The following BIRC6 variants were observed in gnomAD, a reference collection of about 807,000 sequenced individuals.
BIRC6 encodes baculoviral IAP repeat containing 6, also known as dual E2 ubiquitin-conjugating enzyme/E3 ubiquitin-protein ligase BIRC6.
A neutral mutation model predicts 503.3 loss-of-function variants in BIRC6; 98 were observed. That is an observed-to-expected ratio of 0.19 (90% confidence interval 0.17 to 0.23). BIRC6 has a LOEUF of 0.23. BIRC6 is among the 10% of genes least tolerant of loss of function. BIRC6 has a pLI of 1.00. For synonymous variants in BIRC6, 2,240 were observed against 2,078.7 expected, an observed-to-expected ratio of 1.08 and a Z score of -2.11; for missense variants, 5,360 against 5,806.0, an observed-to-expected ratio of 0.92 and a Z score of 2.50.
At position 32,609,611 on chromosome 2, in the gene BIRC6, A is replaced by G. The variant is rs530551987; in HGVS notation, c.14260-1837A>G. On this transcript the variant is annotated intron_variant, in intron 72 of 73. Coordinates refer to ENST00000421745, the MANE Select transcript of BIRC6 (RefSeq NM_016252.4). ...CCTTCATCAGATAGCACTGATGAAT[A>G]TTTCTTTTTCTTTGGCTTTTGCTGT... Among the ~76,000 whole-genome samples, 15 of 152,204 alleles carry G rather than the reference A, an allele frequency of 9.9e-5. No individual in the cohort carries two copies. The South Asian group carries it at 3.1e-3, about 32-fold the overall frequency.
At chr2:32,361,883 C>T (rs906756012) in intron 1 of BIRC6, among the ~76,000 whole-genome samples, 4 of 152,152 alleles carry the variant, frequency 2.6e-5, no homozygotes, top group Non-Finnish European at 4.4e-5. Context: ...TCCTTTTTAG[C>T]GCTAAATAAT....
intron 3 of BIRC6, among the ~76,000 whole-genome samples, chr2:32,382,530 T>G (rs1186603500): frequency 3.3e-5 from 5 of 152,118 alleles, no homozygotes; most frequent in Non-Finnish European, 7.4e-5. Flanking sequence ...GCCAGGAAAC[T>G]GGTTGAAAAG....
chr2:32,559,744 G>A (rs936498764), intron 65 of BIRC6, among the ~76,000 whole-genome samples: 7 of 151,502 alleles, frequency 4.6e-5, no homozygotes, highest in Non-Finnish European at 1.0e-4. Context: ...AAATAAGGCC[G>A]GCACAGTGGC....
intron 45 of BIRC6, among the ~76,000 whole-genome samples, chr2:32,497,303 C>G (rs1413261143): frequency 6.6e-6 from 1 of 152,212 alleles, no homozygotes; most frequent in African/African-American, 2.4e-5. Flanking sequence ...GCCACTACAC[C>G]AAGTTTGATT....
chr2:32,549,041 CAG>C (rs2058256165), intron 64 of BIRC6: 2 of 227,940 alleles, frequency 8.8e-6, no homozygotes, highest in East Asian at 9.0e-5. Flanking sequence ...GTAAATAATA[CAG>C]AGTTGCTACT....
At position 32,575,153 on chromosome 2, in the gene BIRC6, T is replaced by C. The variant is rs771369953; in HGVS notation, c.13145-3T>C. 2.2e-5 allele frequency: 36 copies of C among 1,613,808 alleles called. No individual in the cohort carries two copies. Among genetic ancestry groups the C allele is most frequent in the South Asian group, 7.7e-5 (7 of 91,088 alleles). On this transcript the variant is annotated splice_polypyrimidine_tract_variant and splice_region_variant and intron_variant, in intron 65 of 73. Coordinates refer to ENST00000421745, the MANE Select transcript of BIRC6 (RefSeq NM_016252.4). ...TTTGTGCTTTTTCTTCTTCTCCTTA[T>C]AGTTCTGGACATGGCAAGACATGTG...
Position 32,436,068 on chromosome 2 carries a change from C to T in BIRC6, c.3515C>T (p.Pro1172Leu). 1.4e-6 allele frequency: 2 copies of T among 1,419,430 alleles called. No individual in the cohort carries two copies. Among genetic ancestry groups the T allele is most frequent in the South Asian group, 1.6e-5 (1 of 61,054 alleles). The allele number at this position is 1,419,430 out of a possible 1,614,324, so 87.9% of individuals were successfully genotyped here. ...VEESQCLRLC[P>L]FLEDHKEDIL... ...TTCTTTTTAGGTCTTAGATTATGTC[C>T]ATTTTTGGAGGATCATAAAGAAGAC... The change falls in exon 15 of 74, where the codon CCA (proline) becomes CTA (leucine). Residue 1172 changes from proline (P) to leucine (L), a missense_variant. By Grantham distance (98) the Pro-to-Leu change is moderately conservative. This residue lies in a region of BIRC6 where 2,299 missense variants were observed against 2,267.2 expected (regional missense o/e 1.01). Transcript: ENST00000421745.
chr2:32,530,295 C>G (rs758756702), intron 60 of BIRC6, among the ~76,000 whole-genome samples: 1 of 152,114 alleles, frequency 6.6e-6, no homozygotes, highest in Admixed American at 6.5e-5. Flanking sequence ...ACTGCAACCT[C>G]CGCCTCCCGA....
At chr2:32,514,225 G>A (rs2054768679) in intron 54 of BIRC6, among the ~76,000 whole-genome samples, 1 of 152,120 alleles carries the variant, frequency 6.6e-6, no homozygotes, top group South Asian at 2.1e-4. Context: ...GGACGCTGAG[G>A]TGGGAGGATC....
chr2:32,509,556 A>G (rs1268269132), intron 51 of BIRC6, 182 bp from the exon 52 acceptor site: 2 of 696,390 alleles, frequency 2.9e-6, no homozygotes, highest in East Asian at 2.8e-5. Flanking sequence ...CCTGGCCATG[A>G]TTTATCTTAT....
chr2:32,540,924 T>A (rs2057616870), intron 61 of BIRC6, among the ~76,000 whole-genome samples: 1 of 152,076 alleles, frequency 6.6e-6, no homozygotes, highest in Admixed American at 6.5e-5. Flanking sequence ...TTTGTATCTG[T>A]ATAATGGGTG....
chr2:32,509,794 G>A lies in BIRC6; in HGVS notation c.10037G>A (p.Gly3346Glu). The A allele has an allele frequency of 1.2e-6, 2 of 1,613,992 alleles. No homozygotes were observed. Among genetic ancestry groups the A allele is most frequent in the South Asian group, 2.2e-5 (2 of 91,078 alleles). Reference sequence around the variant, plus strand: ...CTTACTCACATAAGTGATCTAGAAGGAATGATGGCAAGTGCAGCTGCACCT... The same window carrying A: ...CTTACTCACATAAGTGATCTAGAAGAAATGATGGCAAGTGCAGCTGCACCT... ...HCLTHISDLE[G>E]MMASAAAPTA... The change falls in exon 52 of 74, where the codon GGA (glycine) becomes GAA (glutamate). Residue 3346 changes from glycine (G) to glutamate (E), a missense_variant. By Grantham distance (98) the Gly-to-Glu change is moderately conservative. This residue lies in a region of BIRC6 where 878 missense variants were observed against 928.9 expected (regional missense o/e 0.95). Transcript: ENST00000421745.
At position 32,380,143 on chromosome 2, in the gene BIRC6, TTTTA is replaced by T. The variant is rs753217971; in HGVS notation, c.508-5_508-2del. 36 of 1,478,506 alleles carry T rather than the reference TTTTA, an allele frequency of 2.4e-5. No individual in the cohort carries two copies. The South Asian group carries it at 4.7e-4, about 19-fold the overall frequency. 91.6% of individuals were successfully genotyped at this position (1,478,506 alleles called of 1,614,324 possible). A position where few individuals can be genotyped will look rare whatever the true frequency, so the allele number is the denominator to read the frequency against. On this transcript the variant is annotated splice_polypyrimidine_tract_variant and splice_region_variant and intron_variant, in intron 2 of 73. Coordinates refer to ENST00000421745, the MANE Select transcript of BIRC6 (RefSeq NM_016252.4). ...TTCTGTGATTTTTTTATTTTTTATT[TTTTA>T]TTTAGGCACAGCAGCTCTTATCAGC... is the stretch of plus-strand genomic sequence containing the variant.
chr2:32,563,932 G>A (rs2059363513), intron 65 of BIRC6: 1 of 152,186 alleles, frequency 6.6e-6, no homozygotes, highest in Admixed American at 6.6e-5. Flanking sequence ...AAAAAAATGA[G>A]CCGAGTGTGG....
At chr2:32,502,986 G>T (rs2053373988) in intron 48 of BIRC6, 56 bp from the exon 49 acceptor site, 1 of 1,515,482 alleles carries the variant, frequency 6.6e-7, no homozygotes, top group Non-Finnish European at 8.9e-7. Context: ...GTTTACTTTT[G>T]ATGTTGAACC....
In BIRC6 at chr2:32,357,601, C is replaced by G. The variant is rs1207394061; in HGVS notation, c.325+115C>G. 1.0e-5 allele frequency: 15 copies of G among 1,450,572 alleles called. No individual in the cohort carries two copies. The highest frequency in any genetic ancestry group is 2.9e-5 in the Admixed American group (1 of 34,548). The allele number at this position is 1,450,572 out of a possible 1,614,324, so 89.9% of individuals were successfully genotyped here. On this transcript the variant is annotated intron_variant, in intron 1 of 73. Coordinates refer to ENST00000421745, the MANE Select transcript of BIRC6 (RefSeq NM_016252.4). This position sits in a 1 kb window ranked among gnomAD's most constrained non-coding sequence, Gnocchi z 4.9. ...TGGCGAGAGGGCAGGGCTGGGGGTT[C>G]GGGCCCAGCCGTGAAGGGAGGCCCG...
rs1381271175 is a variant in BIRC6, at chr2:32,502,511, A to G, written c.9208-284A>G. Among the ~76,000 whole-genome samples, 7 of 152,318 alleles carry G rather than the reference A, an allele frequency of 4.6e-5. No homozygotes were observed. In the East Asian group the frequency reaches 1.2e-3, roughly 25 times the overall value. ...TTTCTCTATTAGAAAATACAAAGGT[A>G]CTTTAAATGGTTCAAATTTTAAATG... On this transcript the variant is annotated intron_variant, in intron 47 of 73. Coordinates refer to ENST00000421745, the MANE Select transcript of BIRC6 (RefSeq NM_016252.4).
chr2:32,397,972 G>T (rs914260090), intron 6 of BIRC6, among the ~76,000 whole-genome samples: 1 of 152,000 alleles, frequency 6.6e-6, no homozygotes, highest in Non-Finnish European at 1.5e-5. Context: ...AGTTGATTTG[G>T]TCTCTTAAGA....
chr2:32,457,744 T>A (rs1299028085), intron 23 of BIRC6, among the ~76,000 whole-genome samples: 3 of 152,126 alleles, frequency 2.0e-5, no homozygotes, highest in Non-Finnish European at 1.5e-5. Context: ...TGAAAAATAC[T>A]CTTAAGATCT....
Sources: gnomAD v4.1 joint callset for allele counts (sites outside exome capture counted in the v4.1 genomes callset) on GRCh38, gnomAD v4.1.1 for gene constraint, gnomAD v4.1.1 regional missense constraint, Gnocchi (gnomAD v3.1) non-coding constraint, MANE v1.5 for transcripts, NCBI Gene and HGNC (gene_info 2026-07-23, HGNC 2026-07-21) for gene names.